FAM118A: variants seen among roughly 807,000 people sequenced by gnomAD.
FAM118A encodes SIR2 antiphage like 2.
In FAM118A, 25 loss-of-function variants were observed where a neutral mutation model predicts 38.2. That is an observed-to-expected ratio of 0.65 (90% CI 0.48 to 0.91). FAM118A has a LOEUF of 0.91. FAM118A is among the 40% of genes least tolerant of loss of function. The probability of loss-of-function intolerance (pLI) is 0.00; values close to 1 mark genes in which losing one functional copy is unlikely to be tolerated. For synonymous variants in FAM118A, 178 were observed against 184.1 expected (o/e 0.97, Z 0.27); for missense variants, 425 against 463.3 (o/e 0.92, Z 0.76).
rs576012144 is a variant in FAM118A, at chr22:45,330,259, C to T, written c.523-344C>T. Among the ~76,000 whole-genome samples the T allele has an allele frequency of 1.3e-5, 2 of 152,302 alleles. 1 individual carries two copies. The highest frequency in any genetic ancestry group is 4.1e-4 in the South Asian group (2 of 4,830). ...CTCACTTTGTTGCCCAGGCTGGTCT[C>T]GAACTCCTGAGCTTCAAGTCTTGGC... On this transcript the variant is annotated intron_variant, in intron 4 of 8. Transcript: ENST00000441876.
At chr22:45,321,980 C>T in intron 1 of FAM118A, 1 of 327,732 alleles carries the variant, frequency 3.1e-6, no homozygotes, top group Non-Finnish European at 5.9e-6. Context: ...TGTTGTGCCG[C>T]TTGCTGTGTT....
In FAM118A at chr22:45,332,691, C is replaced by G. The variant is rs1199571094; in HGVS notation, c.918C>G (p.Ile306Met). 5 of 1,603,404 alleles carry G rather than the reference C, an allele frequency of 3.1e-6. No individual in the cohort carries two copies. The highest frequency in any genetic ancestry group is 8.5e-7 in the Non-Finnish European group (1 of 1,173,130). Residue 306 changes from isoleucine to methionine, a missense_variant, in exon 6 of 9, where the codon ATC becomes ATG. Ile to Met is a conservative substitution (Grantham distance 10). Transcript: ENST00000441876. ...PGYVQDLATQ[I>M]CKQQSPDADR... The stretch of plus-strand genomic sequence containing the variant: ...ATGTGCAAGACCTTGCCACTCAGAT[C>G]TGCAAACAGCAAAGCCCAGGTATGG...
chr22:45,327,789 CA>C, intron 3 of FAM118A, 52 bp from the exon 4 acceptor site: 1 of 1,576,664 alleles, frequency 6.3e-7, no homozygotes, highest in Non-Finnish European at 8.7e-7. Flanking sequence ...CTTAGGTGCT[CA>C]GTAGTTGTTA....
chr22:45,322,478 T>A (rs1258878394), intron 2 of FAM118A, 52 bp downstream of exon 2: 1 of 1,501,716 alleles, frequency 6.7e-7, no homozygotes, highest in South Asian at 1.2e-5. Context: ...TCATCTAGCG[T>A]CTCTCGTGAG....
rs41279809 is a variant in FAM118A, at chr22:45,335,312, T to A, written c.938-38T>A. The A allele has an allele frequency of 5.5e-3, 8,828 of 1,613,452 alleles. 40 individuals carry two copies. The highest frequency in any genetic ancestry group is 6.7e-3 in the Non-Finnish European group (7,905 of 1,179,416). On this transcript the variant is annotated intron_variant, in intron 6 of 8. Coordinates refer to ENST00000441876, the MANE Select transcript of FAM118A (RefSeq NM_017911.4). Reference sequence around the variant, plus strand: ...GTGGCCGAGGAGGACGAGCTCTTGGTGTCTCGGCTCCACTGACTGCTTTTC... The same window carrying A: ...GTGGCCGAGGAGGACGAGCTCTTGGAGTCTCGGCTCCACTGACTGCTTTTC...
chr22:45,340,577 T>G lies in FAM118A; in HGVS notation c.*172T>G. The G allele has an allele frequency of 1.4e-6, 1 of 733,336 alleles. No individual in the cohort carries two copies. Among genetic ancestry groups the G allele is most frequent in the Non-Finnish European group, 2.4e-6 (1 of 419,570 alleles). The allele number at this position is 733,336 out of a possible 1,614,324, so 45.4% of individuals were successfully genotyped here. Reference sequence around the variant, plus strand: ...TCAAGGCTGGGTGAGAGGGCTCCCCTGTGTGTTGAACTATGCAGGAGGGTG... The same window carrying G: ...TCAAGGCTGGGTGAGAGGGCTCCCCGGTGTGTTGAACTATGCAGGAGGGTG... On this transcript the variant is annotated 3_prime_UTR_variant, in exon 9 of 9. Coordinates refer to ENST00000441876, the MANE Select transcript of FAM118A (RefSeq NM_017911.4).
chr22:45,316,910 A>C (rs1210884660), intron 1 of FAM118A, among the ~76,000 whole-genome samples: 2 of 152,200 alleles, frequency 1.3e-5, no homozygotes, highest in Non-Finnish European at 2.9e-5. Flanking sequence ...GAGCATTCGG[A>C]AACTTTGCCG....
chr22:45,336,863 C>T (rs1336941912), intron 8 of FAM118A, among the ~76,000 whole-genome samples: 2 of 152,202 alleles, frequency 1.3e-5, no homozygotes, highest in Non-Finnish European at 2.9e-5. Flanking sequence ...TGACCACTAG[C>T]CTGATGCATG....
intron 2 of FAM118A, 34 bp downstream of exon 2, chr22:45,322,460 C>A: frequency 6.4e-7 from 1 of 1,564,032 alleles, no homozygotes; most frequent in Non-Finnish European, 8.7e-7. Context: ...CAAGCAGCTT[C>A]ATTGACTTCA....
chr22:45,335,787 A>G (rs776688861), intron 7 of FAM118A, among the ~76,000 whole-genome samples: 5 of 152,124 alleles, frequency 3.3e-5, no homozygotes, highest in Non-Finnish European at 7.4e-5. Flanking sequence ...CCTATTTAAT[A>G]CTTGTTTTGA....
chr22:45,339,144 C>T (rs1167225047), intron 8 of FAM118A, among the ~76,000 whole-genome samples: 1 of 152,196 alleles, frequency 6.6e-6, no homozygotes, highest in East Asian at 1.9e-4. Context: ...GTGGTTCACG[C>T]CTATATTACC....
chr22:45,340,449 A>G lies in FAM118A; in HGVS notation c.*44A>G. 1 of 1,609,358 alleles carries G rather than the reference A, an allele frequency of 6.2e-7. No homozygotes were observed. The highest frequency in any genetic ancestry group is 8.5e-7 in the Non-Finnish European group (1 of 1,175,590). On this transcript the variant is annotated 3_prime_UTR_variant, in exon 9 of 9. Transcript: ENST00000441876. Reference sequence around the variant, plus strand: ...TGCAACTTGAAAACTAGCCTTCTGTAACCACAGTGCCCAAACGAAGAGGAA... The same window carrying G: ...TGCAACTTGAAAACTAGCCTTCTGTGACCACAGTGCCCAAACGAAGAGGAA...
chr22:45,323,091 C>G (rs567804704), intron 2 of FAM118A, 84 bp from the exon 3 acceptor site: 3 of 1,442,128 alleles, frequency 2.1e-6, no homozygotes, highest in Non-Finnish European at 1.9e-6. Context: ...AGCACAAGGC[C>G]GGAACTCGCA....
intron 4 of FAM118A, chr22:45,329,609 T>C (rs1441566358): frequency 1.3e-5 from 2 of 152,314 alleles, no homozygotes; most frequent in African/African-American, 4.8e-5. Context: ...GGCCCCGCTC[T>C]GTGTACAAAG....
At chr22:45,340,197 C>T (rs73890291) in intron 8 of FAM118A, among the ~76,000 whole-genome samples, 189 bp from the exon 9 acceptor site, 2,560 of 152,300 alleles carry the variant, frequency 0.017, 68 homozygotes, top group African/African-American at 0.059. Context: ...TGCTTGATCC[C>T]CTGATAGTAC....
chr22:45,339,279 G>C (rs371375399), intron 8 of FAM118A, among the ~76,000 whole-genome samples: 1 of 152,084 alleles, frequency 6.6e-6, no homozygotes, highest in African/African-American at 2.4e-5. Flanking sequence ...GCCTACTGTA[G>C]TCCCAGCTAC....
chr22:45,330,953 T>G (rs1171892628), intron 5 of FAM118A, among the ~76,000 whole-genome samples: 1 of 152,274 alleles, frequency 6.6e-6, no homozygotes, highest in African/African-American at 2.4e-5. Flanking sequence ...GGCGAACATT[T>G]GTTGGAGGAA....
At chr22:45,333,135 C>G (rs1340826134) in intron 6 of FAM118A, among the ~76,000 whole-genome samples, 1 of 152,182 alleles carries the variant, frequency 6.6e-6, no homozygotes, top group Non-Finnish European at 1.5e-5. Context: ...CTAAAATTCA[C>G]CAGTCTTCGT....
rs1333380339 is a variant in FAM118A, at chr22:45,323,167, T to C, written c.48-8T>C. ...CTTTCATTCTCTTGCTCCCTTCTTT[T>C]CAAGTAGAAAGTTTTTAAAAAGCCT... On this transcript the variant is annotated splice_polypyrimidine_tract_variant and splice_region_variant and intron_variant, in intron 2 of 8. Transcript: ENST00000441876. 1 of 1,607,710 alleles carries C rather than the reference T, an allele frequency of 6.2e-7. No individual in the cohort carries two copies.
Sources: gnomAD v4.1 joint callset for allele counts (sites outside exome capture counted in the v4.1 genomes callset) on GRCh38, gnomAD v4.1.1 for gene constraint, MANE v1.5 for transcripts, NCBI Gene and HGNC (gene_info 2026-07-23, HGNC 2026-07-21) for gene names.